ERC1: variants seen among roughly 807,000 people sequenced by gnomAD.
The protein encoded by ERC1 is RAB6 interacting protein 2.
In ERC1, 56 loss-of-function variants were observed where a neutral mutation model predicts 132.0. The observed-to-expected ratio is 0.42, with a 90% confidence interval of 0.34 to 0.53. The LOEUF (loss-of-function observed/expected upper bound fraction) is 0.53. Among genes scored for constraint, ERC1 ranks in the 20% least tolerant of loss-of-function variants. The probability of loss-of-function intolerance (pLI) is 0.03; values close to 1 mark genes in which losing one functional copy is unlikely to be tolerated. For missense variants in ERC1, 1,202 were observed against 1,349.9 expected (o/e 0.89, Z 1.72); for synonymous variants, 478 against 476.1 (o/e 1.00, Z -0.05).
intron 7 of ERC1, among the ~76,000 whole-genome samples, chr12:1,130,962 T>C (rs1318026997): frequency 1.3e-5 from 2 of 152,206 alleles, no homozygotes; most frequent in Non-Finnish European, 2.9e-5. Flanking sequence ...GTTGGGAGTT[T>C]AAATTCAGTT....
chr12:1,259,520 CTTTTTTTTTT>C (rs201786277), intron 13 of ERC1, among the ~76,000 whole-genome samples: 25 of 113,882 alleles, frequency 2.2e-4, no homozygotes, highest in African/African-American at 5.7e-4. Flanking sequence ...TTCTTTCTTT[CTTTTTTTTTT>C]TTTTTTTTTT....
intron 8 of ERC1, among the ~76,000 whole-genome samples, chr12:1,169,154 A>T (rs766879498): frequency 6.6e-6 from 1 of 152,352 alleles, no homozygotes; most frequent in South Asian, 2.1e-4. Context: ...CATGTTAATT[A>T]TAATTTAACT....
At chr12:1,438,509 G>A (rs1272170959) in intron 17 of ERC1, among the ~76,000 whole-genome samples, 3 of 152,190 alleles carry the variant, frequency 2.0e-5, no homozygotes, top group Non-Finnish European at 4.4e-5. Flanking sequence ...TGCCTCTGAA[G>A]ACTTCAGCAG....
At chr12:1,467,521 C>T (rs1055547857) in intron 18 of ERC1, among the ~76,000 whole-genome samples, 1 of 152,150 alleles carries the variant, frequency 6.6e-6, no homozygotes, top group African/African-American at 2.4e-5. Context: ...CAACTTTAGG[C>T]TACCTGATAC....
intron 13 of ERC1, among the ~76,000 whole-genome samples, chr12:1,242,907 G>T (rs191469108): frequency 1.3e-5 from 2 of 152,190 alleles, no homozygotes; most frequent in South Asian, 4.1e-4. Flanking sequence ...AGAAATCGAG[G>T]CCGGGCGCGG....
At chr12:1,125,152 G>A (rs906726218) in intron 7 of ERC1, among the ~76,000 whole-genome samples, 15 of 151,834 alleles carry the variant, frequency 9.9e-5, no homozygotes, top group African/African-American at 2.4e-4. Flanking sequence ...ATGCCACCAC[G>A]CCCAGCTAAT....
intron 8 of ERC1, among the ~76,000 whole-genome samples, chr12:1,168,943 A>C (rs1952752162): frequency 6.6e-6 from 1 of 152,146 alleles, no homozygotes; most frequent in Admixed American, 6.5e-5. Flanking sequence ...GAGATATAAT[A>C]TACACCTTAA....
At chr12:1,317,363 A>G (rs1168932885) in intron 15 of ERC1, among the ~76,000 whole-genome samples, 1 of 151,830 alleles carries the variant, frequency 6.6e-6, no homozygotes, top group South Asian at 2.1e-4. Flanking sequence ...GTGAGAACAC[A>G]TGGACACAGG....
chr12:1,247,725 G>A (rs2076242467), intron 13 of ERC1, among the ~76,000 whole-genome samples: 1 of 152,184 alleles, frequency 6.6e-6, no homozygotes, highest in African/African-American at 2.4e-5. Context: ...GGCCGGGCAC[G>A]GTGGCTCATG....
intron 13 of ERC1, chr12:1,244,464 A>G: frequency 2.3e-6 from 1 of 435,038 alleles, no homozygotes; most frequent in Admixed American, 2.4e-5. Context: ...TAATTCTAGT[A>G]TTAAAATATT....
At chr12:1,110,482 T>C in intron 5 of ERC1, 135 bp downstream of exon 5, 2 of 671,832 alleles carry the variant, frequency 3.0e-6, no homozygotes. Flanking sequence ...TTTAGCATAG[T>C]TCTTTCAAAT....
chr12:1,084,638 G>A (rs4765712), intron 3 of ERC1, among the ~76,000 whole-genome samples: 136,331 of 151,904 alleles, frequency 0.9, 62,079 homozygotes, highest in East Asian at 1. Context: ...TTACCTAGTA[G>A]TAATTATTAA....
At chr12:1,433,283 T>C (rs1361287132) in intron 17 of ERC1, among the ~76,000 whole-genome samples, 1 of 152,202 alleles carries the variant, frequency 6.6e-6, no homozygotes, top group African/African-American at 2.4e-5. Flanking sequence ...AAGGTATAAG[T>C]TGTAATTGCT....
chr12:1,132,585 A>C (rs1039605655), intron 7 of ERC1, among the ~76,000 whole-genome samples: 2 of 152,180 alleles, frequency 1.3e-5, no homozygotes, highest in Non-Finnish European at 1.5e-5. Flanking sequence ...GGTGCCTTTC[A>C]TAAAGAGGCA....
At chr12:1,069,477 A>G (rs927452576) in intron 2 of ERC1, among the ~76,000 whole-genome samples, 43 of 152,172 alleles carry the variant, frequency 2.8e-4, no homozygotes, top group African/African-American at 9.4e-4. Context: ...GGTGATCTAG[A>G]TAGGATCTAG....
chr12:1,067,339 A>C (rs1022423926), intron 2 of ERC1, among the ~76,000 whole-genome samples: 10 of 152,212 alleles, frequency 6.6e-5, no homozygotes, highest in Non-Finnish European at 1.0e-4. Flanking sequence ...TTTGGGGAAG[A>C]GTATTCTAAA....
At position 1,492,930 on chromosome 12, in the gene ERC1, G is replaced by A. The variant is rs1193519013; in HGVS notation, c.*2700G>A. The A allele has an allele frequency of 8.8e-6, 2 of 228,218 alleles. No homozygotes were observed. Among genetic ancestry groups the A allele is most frequent in the Non-Finnish European group, 1.7e-5 (2 of 114,986 alleles). 14.1% of individuals were successfully genotyped at this position (228,218 alleles called of 1,614,324 possible). A position where few individuals can be genotyped will look rare whatever the true frequency, so the allele number is the denominator to read the frequency against. ...ATATGGGCATACAACTGCTACTGAA[G>A]TTATATAGCCTTGAAAACTCAGTGC... On this transcript the variant is annotated 3_prime_UTR_variant, in exon 19 of 19. Transcript: ENST00000360905.
At chr12:1,156,995 T>C (rs750259921) in intron 8 of ERC1, among the ~76,000 whole-genome samples, 1 of 152,240 alleles carries the variant, frequency 6.6e-6, no homozygotes, top group Non-Finnish European at 1.5e-5. Context: ...TTCATTTATG[T>C]ATTTATTTGG....
intron 13 of ERC1, among the ~76,000 whole-genome samples, chr12:1,242,093 C>T (rs1417506657): frequency 6.6e-6 from 1 of 151,948 alleles, no homozygotes; most frequent in Non-Finnish European, 1.5e-5. Flanking sequence ...GTGATTCAGC[C>T]ACCTCGGCCT....
Sources: gnomAD v4.1 joint callset for allele counts (sites outside exome capture counted in the v4.1 genomes callset) on GRCh38, gnomAD v4.1.1 for gene constraint, MANE v1.5 for transcripts, NCBI Gene and HGNC (gene_info 2026-07-23, HGNC 2026-07-21) for gene names.